The following ITGA11 variants were observed in gnomAD, a reference collection of about 807,000 sequenced individuals.
ITGA11 encodes integrin subunit alpha 11.
Under a neutral mutation model 141.9 loss-of-function variants are expected in ITGA11, and 97 were observed. The observed-to-expected ratio is 0.68, with a 90% CI of 0.58 to 0.81. The LOEUF is 0.81. ITGA11 is among the 30% of genes least tolerant of loss of function. The pLI is 0.00. For synonymous variants in ITGA11, 658 were observed against 624.6 expected, an observed-to-expected ratio of 1.05 and a Z score of -0.80; for missense variants, 1,387 against 1,559.2, an observed-to-expected ratio of 0.89 and a Z score of 1.86.
chr15:68,382,442 C>T (rs952307204), intron 2 of ITGA11, among the ~76,000 whole-genome samples: 1 of 152,230 alleles, frequency 6.6e-6, no homozygotes, highest in South Asian at 2.1e-4. Context: ...TCAACTTCTC[C>T]CATCCAGGGG....
At chr15:68,412,574 AGG>A (rs949251993) in intron 1 of ITGA11, among the ~76,000 whole-genome samples, 45 of 149,510 alleles carry the variant, frequency 3.0e-4, no homozygotes, top group African/African-American at 1.1e-3. Context: ...TCCAGTTGCT[AGG>A]GGGCATGACA....
chr15:68,403,722 C>G (rs1896568550), intron 1 of ITGA11, among the ~76,000 whole-genome samples: 1 of 151,984 alleles, frequency 6.6e-6, no homozygotes, highest in Non-Finnish European at 1.5e-5. Flanking sequence ...GCAACTTCCT[C>G]CTTTCAGGTT....
intron 2 of ITGA11, among the ~76,000 whole-genome samples, chr15:68,373,312 G>A (rs925953622): frequency 3.0e-4 from 45 of 152,266 alleles, no homozygotes; most frequent in African/African-American, 1.0e-3. Flanking sequence ...GAAGGCACTC[G>A]GCAAAGAGGT....
chr15:68,379,038 C>T (rs922732108), intron 2 of ITGA11, among the ~76,000 whole-genome samples: 6 of 152,188 alleles, frequency 3.9e-5, no homozygotes, highest in African/African-American at 1.4e-4. Flanking sequence ...ACTGACTATG[C>T]GGAATAAAAG....
intron 2 of ITGA11, among the ~76,000 whole-genome samples, chr15:68,390,559 C>T (rs1456737376): frequency 6.6e-6 from 1 of 152,140 alleles, no homozygotes; most frequent in African/African-American, 2.4e-5. Context: ...TGGCCTCCCC[C>T]ACAGCCCCAG....
intron 9 of ITGA11, among the ~76,000 whole-genome samples, 171 bp from the exon 10 acceptor site, chr15:68,349,071 C>T (rs1266963405): frequency 1.3e-5 from 2 of 152,212 alleles, no homozygotes; most frequent in African/African-American, 4.8e-5. Flanking sequence ...CCTCCTCAGC[C>T]CTCCCCAGCA....
chr15:68,377,292 GAC>G (rs1346437321), intron 2 of ITGA11, among the ~76,000 whole-genome samples: 6 of 151,968 alleles, frequency 3.9e-5, no homozygotes, highest in African/African-American at 1.5e-4. Flanking sequence ...GTTTTTTTGA[GAC>G]AGAGTATCGC....
chr15:68,414,850 A>G (rs1404917897), intron 1 of ITGA11, among the ~76,000 whole-genome samples: 1 of 151,710 alleles, frequency 6.6e-6, no homozygotes, highest in Non-Finnish European at 1.5e-5. Context: ...CCCTCTCCCC[A>G]CGGCTTAGCG....
chr15:68,396,890 T>G (rs778362115), intron 2 of ITGA11, among the ~76,000 whole-genome samples: 30 of 124,382 alleles, frequency 2.4e-4, no homozygotes, highest in Non-Finnish European at 4.5e-4. Context: ...ATATAACATA[T>G]TTATTACAAT....
Position 68,335,673 on chromosome 15 carries a change from G to T in ITGA11, c.1425+24C>A, listed in dbSNP as rs2306025. 66,167 of 1,611,160 alleles carry T rather than the reference G, an allele frequency of 0.041. 2,446 individuals are homozygous for T. Among genetic ancestry groups the T allele is most frequent in the African/African-American group, 0.2 (14,656 of 74,900 alleles). On this transcript the variant is annotated intron_variant, in intron 12 of 29. Transcript: ENST00000315757. The surrounding 1 kb of genome is among the most constrained non-coding windows in gnomAD (Gnocchi z 4.9). ...ATCTGCCCCCTCTTCCCTCCATCCC[G>T]GCCCCAGGCTCCCCCTCCATTACCT...
Position 68,328,119 on chromosome 15 carries a change from G to C in ITGA11, c.2045C>G (p.Pro682Arg). The C allele has an allele frequency of 6.2e-7, 1 of 1,613,810 alleles. No individual in the cohort carries two copies. The highest frequency in any genetic ancestry group is 1.3e-5 in the African/African-American group (1 of 75,050). ...ACCAACAGTTGTTGTTTGGAAATGG[G>C]GTGCCAGGAAGATGGGCGTGAAGCA... Reference protein sequence around the residue: ...FLCFTPIFLAPHFQTTTVGIR... With the variant: ...FLCFTPIFLARHFQTTTVGIR... The change falls in exon 16 of 30, where the codon CCC becomes CGC. Residue 682 changes from proline to arginine, a missense_variant. By Grantham distance (103) the Pro-to-Arg change is moderately radical. Coordinates refer to ENST00000315757, the MANE Select transcript of ITGA11 (RefSeq NM_001004439.2). The surrounding 1 kb of genome is among the most constrained non-coding windows in gnomAD (Gnocchi z 4.8).
rs1399481552 is a variant in ITGA11 at position 68,364,708 on chromosome 15, A to T, written c.356T>A (p.Leu119Gln). The change falls in exon 4 of 30, where the codon CTG becomes CAG. Residue 119 changes from leucine to glutamine, a missense_variant and splice_region_variant. Coordinates refer to ENST00000315757, the MANE Select transcript of ITGA11 (RefSeq NM_001004439.2). ...CAAGCAGTGGCAGGTGGCTCTTACC[A>T]GGAAGCTGTTGTCCTTGGGGTTGGT... ...LATNPKDNSF[L>Q]ACSPLWSHEC... 1 of 1,578,510 alleles carries T rather than the reference A, an allele frequency of 6.3e-7. No homozygotes were observed. The highest frequency in any genetic ancestry group is 2.4e-5 in the East Asian group (1 of 42,116).
intron 11 of ITGA11, among the ~76,000 whole-genome samples, chr15:68,337,519 CGGAGGA>C (rs779193286): frequency 2.4e-4 from 36 of 152,138 alleles, no homozygotes; most frequent in Middle Eastern, 6.8e-3. Flanking sequence ...GACTCCTAGA[CGGAGGA>C]GGAGGAGGAG....
Position 68,328,515 on chromosome 15 carries a change from G to T in ITGA11, c.1902-253C>A, listed in dbSNP as rs1332321978. Among the ~76,000 whole-genome samples the T allele has an allele frequency of 6.6e-6, 1 of 152,142 alleles. No individual in the cohort carries two copies. The highest frequency in any genetic ancestry group is 1.5e-5 in the Non-Finnish European group (1 of 68,026). ...CATGCAGCCCCTCAGCACTTTCCCC[G>T]AGGGGCTGTGCTCGCTGTGGATCAT... On this transcript the variant is annotated intron_variant, in intron 15 of 29. Coordinates refer to ENST00000315757, the MANE Select transcript of ITGA11 (RefSeq NM_001004439.2). The surrounding 1 kb of genome is among the most constrained non-coding windows in gnomAD (Gnocchi z 4.8).
chr15:68,394,785 G>C (rs946485362), intron 2 of ITGA11, among the ~76,000 whole-genome samples: 1 of 152,070 alleles, frequency 6.6e-6, no homozygotes. Flanking sequence ...GATAATAGGA[G>C]GCTAATATGA....
chr15:68,409,192 C>G (rs918323135), intron 1 of ITGA11, among the ~76,000 whole-genome samples: 1 of 152,156 alleles, frequency 6.6e-6, no homozygotes, highest in African/African-American at 2.4e-5. Flanking sequence ...GATGACACCT[C>G]TGCTGCAAAG....
rs540765273 is a variant in ITGA11 at position 68,365,307 on chromosome 15, G to C, written c.266-509C>G. 1.1e-5 allele frequency: 11 copies of C among 985,456 alleles called. No homozygotes were observed. The African/African-American group carries it at 1.7e-4, about 16-fold the overall frequency. 61.0% of individuals were successfully genotyped at this position (985,456 alleles called of 1,614,324 possible). On this transcript the variant is annotated intron_variant, in intron 3 of 29. Transcript: ENST00000315757. ...TGAGAGTTTCCTCTCATGGGTAACA[G>C]AGCCAACTCAACGAGAGCCTTCCAG...
At chr15:68,402,183 TCCTGGC>T (rs72197890) in intron 2 of ITGA11, among the ~76,000 whole-genome samples, 3,528 of 152,024 alleles carry the variant, frequency 0.023, 57 homozygotes, top group South Asian at 0.032. Context: ...CCATGCAGAG[TCCTGGC>T]CCTTTCCATC....
At chr15:68,334,011 T>C (rs1275775414) in intron 12 of ITGA11, among the ~76,000 whole-genome samples, 1 of 152,174 alleles carries the variant, frequency 6.6e-6, no homozygotes, top group Non-Finnish European at 1.5e-5. Flanking sequence ...TCAGCTGATG[T>C]GTCACTTCCT....
Sources: gnomAD v4.1 joint callset for allele counts (sites outside exome capture counted in the v4.1 genomes callset) on GRCh38, gnomAD v4.1.1 for gene constraint, Gnocchi (gnomAD v3.1) non-coding constraint, MANE v1.5 for transcripts, NCBI Gene and HGNC (gene_info 2026-07-23, HGNC 2026-07-21) for gene names.